CACNG4: variants seen among roughly 807,000 people sequenced by gnomAD.
The protein encoded by CACNG4 is calcium voltage-gated channel auxiliary subunit gamma 4.
Under a neutral mutation model 22.9 loss-of-function variants are expected in CACNG4, and 8 were observed. The observed-to-expected ratio is 0.35, with a 90% CI of 0.21 to 0.63. CACNG4 has a LOEUF of 0.63. Among genes scored for constraint, CACNG4 ranks in the 30% least tolerant of loss-of-function variants. The probability of loss-of-function intolerance (pLI) is 0.72; values close to 1 mark genes in which losing one functional copy is unlikely to be tolerated. For synonymous variants in CACNG4, 188 were observed against 191.9 expected (o/e 0.98, Z 0.17); for missense variants, 357 against 455.4 (o/e 0.78, Z 1.97).
rs530193048 is a variant in CACNG4 at position 66,988,556 on chromosome 17, G to A, written c.220+23425G>A. Among the ~76,000 whole-genome samples the A allele has an allele frequency of 7.1e-4, 107 of 151,748 alleles. 1 individual carries two copies. Among genetic ancestry groups the A allele is most frequent in the African/African-American group, 2.5e-3 (102 of 41,378 alleles). On this transcript the variant is annotated intron_variant, in intron 1 of 3. Transcript: ENST00000262138. ...GCCCATCCCCATCACTTGCCCCCTC[G>A]CCTCGCCTCACCTCAGTAATGCATC...
At chr17:67,026,212 T>G (rs1043035066) in intron 3 of CACNG4, among the ~76,000 whole-genome samples, 4 of 149,834 alleles carry the variant, frequency 2.7e-5, no homozygotes, top group African/African-American at 7.4e-5. Flanking sequence ...GACTGTGGTG[T>G]GTTTGTGTGT....
rs386798571 is a variant in CACNG4, at chr17:67,030,153, GTGTGT to G, written c.446-312_446-308del. Among the ~76,000 whole-genome samples, 1 of 108,698 alleles carries G rather than the reference GTGTGT, an allele frequency of 9.2e-6. No homozygotes were observed. The highest frequency in any genetic ancestry group is 2.0e-4 in the East Asian group (1 of 4,900). 71.3% of individuals were successfully genotyped at this position (108,698 alleles called of 152,430 possible). A position where few individuals can be genotyped will look rare whatever the true frequency, so the allele number is the denominator to read the frequency against. On this transcript the variant is annotated intron_variant, in intron 3 of 3. Coordinates refer to ENST00000262138, the MANE Select transcript of CACNG4 (RefSeq NM_014405.4). This position sits in a 1 kb window ranked among gnomAD's most constrained non-coding sequence, Gnocchi z 6.4. The stretch of plus-strand genomic sequence containing the variant: ...GTACTGTGCAAAGGAAATAATAGGG[GTGTGT>G]GTGTGTGTGTGTGTGAAGAGAGAAA...
At chr17:67,026,776 G>T (rs1348247588) in intron 3 of CACNG4, among the ~76,000 whole-genome samples, 2 of 151,638 alleles carry the variant, frequency 1.3e-5, no homozygotes, top group African/African-American at 4.8e-5. Context: ...TGTGTGAGGA[G>T]TGTGGTGTGT....
chr17:67,008,397 C>T (rs150737338), intron 1 of CACNG4, among the ~76,000 whole-genome samples: 96 of 152,018 alleles, frequency 6.3e-4, no homozygotes, highest in African/African-American at 2.2e-3. Flanking sequence ...CTTTGGCACT[C>T]GGTGTGGAAG....
chr17:67,030,884 C>A lies in CACNG4; in HGVS notation c.864C>A (p.Thr288=). Residue 288 remains threonine, a synonymous_variant, in exon 4 of 4, where the codon ACC becomes ACA. Coordinates refer to ENST00000262138, the MANE Select transcript of CACNG4 (RefSeq NM_014405.4). This position sits in a 1 kb window ranked among gnomAD's most constrained non-coding sequence, Gnocchi z 6.4. ...CCAGGGAGCCCCTCAAGGTGACCAC[C>A]GCAGCCAGCTACAGCCCCGACCAGG... The part of the protein sequence containing the change: ...TLSREPLKVT[T]AASYSPDQEA... The A allele has an allele frequency of 6.2e-7, 1 of 1,612,732 alleles. No homozygotes were observed. Among genetic ancestry groups the A allele is most frequent in the Non-Finnish European group, 8.5e-7 (1 of 1,180,014 alleles).
At chr17:67,006,174 G>C (rs576785710) in intron 1 of CACNG4, among the ~76,000 whole-genome samples, 2 of 152,196 alleles carry the variant, frequency 1.3e-5, no homozygotes, top group Admixed American at 1.3e-4. Flanking sequence ...CTGCCGTGTC[G>C]AGGCAGCCAG....
At chr17:66,969,069 C>G (rs929186925) in intron 1 of CACNG4, among the ~76,000 whole-genome samples, 4 of 152,170 alleles carry the variant, frequency 2.6e-5, no homozygotes, top group African/African-American at 9.7e-5. Context: ...CATCACCAAC[C>G]AACATTTGTT....
At chr17:66,965,192 ACACG>A (rs2035160770) in intron 1 of CACNG4, 61 bp downstream of exon 1, 2 of 998,692 alleles carry the variant, frequency 2.0e-6, no homozygotes, top group African/African-American at 1.8e-5. Context: ...ACACATATAC[ACACG>A]CGCGCGCGCG....
At chr17:67,013,044 G>A (rs911835296) in intron 1 of CACNG4, among the ~76,000 whole-genome samples, 1 of 152,222 alleles carries the variant, frequency 6.6e-6, no homozygotes, top group Non-Finnish European at 1.5e-5. Flanking sequence ...TGGAGGCTTA[G>A]TGCCCCTGAA....
chr17:67,004,553 G>A (rs2035426489), intron 1 of CACNG4, among the ~76,000 whole-genome samples: 1 of 152,130 alleles, frequency 6.6e-6, no homozygotes, highest in South Asian at 2.1e-4. Context: ...TTATTTTCGT[G>A]TCTTAGAAAG....
At position 66,987,850 on chromosome 17, in the gene CACNG4, G is replaced by A. The variant is rs560048928; in HGVS notation, c.220+22719G>A. On this transcript the variant is annotated intron_variant, in intron 1 of 3. Transcript: ENST00000262138. ...AGCATGGTTCCTGGGATAAAGAAGC[G>A]ATCTCAGCGGTGCATTCAGCTGGTG... Among the ~76,000 whole-genome samples, 13 of 152,082 alleles carry A rather than the reference G, an allele frequency of 8.5e-5. No individual in the cohort carries two copies. The South Asian group carries it at 1.9e-3, about 22-fold the overall frequency.
intron 1 of CACNG4, among the ~76,000 whole-genome samples, chr17:66,982,331 C>T (rs545569866): frequency 5.2e-4 from 79 of 152,236 alleles, no homozygotes; most frequent in African/African-American, 1.9e-3. Flanking sequence ...GCTGATTGAT[C>T]TATTTTACAG....
At chr17:66,982,145 A>G (rs2035279500) in intron 1 of CACNG4, among the ~76,000 whole-genome samples, 1 of 152,214 alleles carries the variant, frequency 6.6e-6, no homozygotes, top group African/African-American at 2.4e-5. Context: ...TTTACTGTGA[A>G]GAGTGAAAGA....
intron 1 of CACNG4, among the ~76,000 whole-genome samples, chr17:66,998,909 G>A (rs2035390912): frequency 6.6e-6 from 1 of 152,220 alleles, no homozygotes; most frequent in Non-Finnish European, 1.5e-5. Flanking sequence ...GATGGTCCGG[G>A]AGCTCAAAGA....
chr17:66,979,573 A>G (rs2035258557), intron 1 of CACNG4, among the ~76,000 whole-genome samples: 1 of 152,028 alleles, frequency 6.6e-6, no homozygotes. Context: ...ACTGATGGTC[A>G]TGGGAATGAG....
At chr17:66,979,930 A>G (rs2035261373) in intron 1 of CACNG4, among the ~76,000 whole-genome samples, 1 of 151,402 alleles carries the variant, frequency 6.6e-6, no homozygotes, top group Non-Finnish European at 1.5e-5. Flanking sequence ...TAATTTTTGT[A>G]TTTTTAGTAG....
chr17:66,972,973 C>T (rs2035213950), intron 1 of CACNG4, among the ~76,000 whole-genome samples: 2 of 150,382 alleles, frequency 1.3e-5, no homozygotes, highest in Admixed American at 1.3e-4. Flanking sequence ...AGGCCAGGTG[C>T]AGTGGCTCGC....
At chr17:66,991,268 G>T (rs915867601) in intron 1 of CACNG4, among the ~76,000 whole-genome samples, 1 of 151,954 alleles carries the variant, frequency 6.6e-6, no homozygotes, top group Non-Finnish European at 1.5e-5. Flanking sequence ...CTCCCAAATG[G>T]TAAGAATCAC....
At chr17:66,976,634 C>T (rs536871237) in intron 1 of CACNG4, among the ~76,000 whole-genome samples, 2 of 152,004 alleles carry the variant, frequency 1.3e-5, no homozygotes, top group East Asian at 3.9e-4. Flanking sequence ...CATCTTCTTT[C>T]TATCCCTGAG....
Sources: allele counts gnomAD v4.1 joint callset (sites outside exome capture counted in the v4.1 genomes callset), GRCh38; gene constraint gnomAD v4.1.1; non-coding constraint Gnocchi (gnomAD v3.1); transcripts MANE v1.5; gene names NCBI Gene and HGNC (gene_info 2026-07-23, HGNC 2026-07-21).